The following CNTNAP2 variants were observed in gnomAD, a reference collection of about 807,000 sequenced individuals.
CNTNAP2 encodes the protein contactin-associated protein-like 2.
In CNTNAP2, 98 loss-of-function variants were observed where a neutral mutation model predicts 155.2. The observed-to-expected ratio is 0.63, with a 90% CI of 0.54 to 0.75. CNTNAP2 has a LOEUF of 0.75. Ranked by LOEUF, CNTNAP2 falls within the 30% of genes least tolerant of loss-of-function variation. CNTNAP2 has a pLI of 0.00. For synonymous variants in CNTNAP2, 651 were observed against 631.2 expected (o/e 1.03, Z -0.47); for missense variants, 1,727 against 1,688.1 (o/e 1.02, Z -0.40).
chr7:146,933,051 T>A (rs1344882024), intron 3 of CNTNAP2, among the ~76,000 whole-genome samples: 1 of 152,156 alleles, frequency 6.6e-6, no homozygotes, highest in Non-Finnish European at 1.5e-5. Flanking sequence ...CCCATCAAGC[T>A]ATCAATGACT....
At chr7:146,558,474 A>G (rs1172088070) in intron 1 of CNTNAP2, among the ~76,000 whole-genome samples, 1 of 152,098 alleles carries the variant, frequency 6.6e-6, no homozygotes, top group Non-Finnish European at 1.5e-5. Context: ...AATGTATCCA[A>G]CTCAACAAAG....
chr7:146,621,940 A>G (rs1402805110), intron 1 of CNTNAP2, among the ~76,000 whole-genome samples: 1 of 152,090 alleles, frequency 6.6e-6, no homozygotes, highest in Non-Finnish European at 1.5e-5. Context: ...ATGAAATTTG[A>G]TTTTATCATA....
chr7:146,752,394 T>C (rs903073847), intron 1 of CNTNAP2, among the ~76,000 whole-genome samples: 4 of 152,220 alleles, frequency 2.6e-5, no homozygotes, highest in Admixed American at 6.5e-5. Context: ...AAGCTTTTTT[T>C]CCTATGTTTC....
chr7:147,822,862 T>C (rs1798383493), intron 13 of CNTNAP2, among the ~76,000 whole-genome samples: 2 of 152,206 alleles, frequency 1.3e-5, no homozygotes, highest in African/African-American at 4.8e-5. Context: ...AACAATGATA[T>C]GTAAATTTCT....
chr7:146,970,538 A>G, intron 3 of CNTNAP2, among the ~76,000 whole-genome samples: 1 of 152,154 alleles, frequency 6.6e-6, no homozygotes, highest in East Asian at 1.9e-4. Flanking sequence ...TTAGAATGGC[A>G]ATCAATAAAA....
chr7:146,684,322 C>T (rs1003622129), intron 1 of CNTNAP2, among the ~76,000 whole-genome samples: 1 of 152,028 alleles, frequency 6.6e-6, no homozygotes, highest in African/African-American at 2.4e-5. Context: ...TTTCGATGAG[C>T]TAAGTGAGAA....
At chr7:147,070,737 C>G (rs10260427) in intron 4 of CNTNAP2, among the ~76,000 whole-genome samples, 108,604 of 152,086 alleles carry the variant, frequency 0.71, 38,788 homozygotes, top group East Asian at 0.74. Flanking sequence ...TCTTAGAGTA[C>G]GGATTCCATG....
intron 1 of CNTNAP2, among the ~76,000 whole-genome samples, chr7:146,199,200 C>G (rs979037190): frequency 6.6e-6 from 1 of 152,130 alleles, no homozygotes; most frequent in East Asian, 1.9e-4. Flanking sequence ...ACACAATAAC[C>G]TCTTAGAGAT....
intron 14 of CNTNAP2, 130 bp from the exon 15 acceptor site, chr7:147,977,732 T>C (rs1043806245): frequency 1.6e-6 from 2 of 1,281,400 alleles, no homozygotes; most frequent in Non-Finnish European, 2.2e-6. Context: ...ACTCTTTAAC[T>C]GTGGCTTTAC....
intron 3 of CNTNAP2, among the ~76,000 whole-genome samples, chr7:146,904,244 C>A (rs1421166452): frequency 6.6e-6 from 1 of 152,058 alleles, no homozygotes; most frequent in Admixed American, 6.6e-5. Flanking sequence ...TGCTCAGGAA[C>A]CTTATATTTG....
intron 21 of CNTNAP2, among the ~76,000 whole-genome samples, chr7:148,329,592 A>G (rs976356450): frequency 1.3e-5 from 2 of 152,194 alleles, no homozygotes; most frequent in Non-Finnish European, 2.9e-5. Context: ...GTGCTGTGCT[A>G]TTAGCAACCA....
At chr7:147,899,238 G>A (rs538878391) in intron 13 of CNTNAP2, among the ~76,000 whole-genome samples, 15 of 152,292 alleles carry the variant, frequency 9.8e-5, no homozygotes, top group Admixed American at 8.5e-4. Context: ...TACTCAGGAG[G>A]CTGAGGTGGG....
intron 9 of CNTNAP2, among the ~76,000 whole-genome samples, chr7:147,325,179 A>G (rs565389245): frequency 6.6e-6 from 1 of 152,162 alleles, no homozygotes; most frequent in South Asian, 2.1e-4. Flanking sequence ...ACACGCCTGC[A>G]ATCCCAGCTA....
chr7:146,906,536 G>A (rs1251560019), intron 3 of CNTNAP2, among the ~76,000 whole-genome samples: 2 of 151,960 alleles, frequency 1.3e-5, no homozygotes, highest in East Asian at 1.9e-4. Context: ...CCCCCAGCAG[G>A]GGCACACTGA....
At chr7:147,926,464 T>A (rs17237933) in intron 14 of CNTNAP2, among the ~76,000 whole-genome samples, 3 of 152,258 alleles carry the variant, frequency 2.0e-5, no homozygotes, top group South Asian at 2.1e-4. Flanking sequence ...TTTTAATACC[T>A]TCACATACAC....
chr7:147,092,150 TA>T (rs1308549182), intron 4 of CNTNAP2, among the ~76,000 whole-genome samples: 1 of 152,238 alleles, frequency 6.6e-6, no homozygotes, highest in Non-Finnish European at 1.5e-5. Flanking sequence ...ACCTAAGCTG[TA>T]AAAATGCAGG....
At chr7:147,701,789 G>A (rs1367650188) in intron 13 of CNTNAP2, among the ~76,000 whole-genome samples, 2 of 152,148 alleles carry the variant, frequency 1.3e-5, no homozygotes, top group South Asian at 4.1e-4. Context: ...CTTCATTCTA[G>A]TTATAAGGCC....
chr7:146,886,275 T>TAAAAA (rs776073033), intron 3 of CNTNAP2, among the ~76,000 whole-genome samples: 1 of 142,178 alleles, frequency 7.0e-6, no homozygotes. Context: ...TCAGTTTTCT[T>TAAAAA]AAAAAAAAAA....
intron 11 of CNTNAP2, among the ~76,000 whole-genome samples, chr7:147,516,263 C>T (rs1212926466): frequency 6.6e-6 from 1 of 151,650 alleles, no homozygotes; most frequent in East Asian, 1.9e-4. Context: ...ATGTGTAGAA[C>T]AAAAAAATAG....
Sources: gnomAD v4.1 joint callset for allele counts (sites outside exome capture counted in the v4.1 genomes callset) on GRCh38, gnomAD v4.1.1 for gene constraint, MANE v1.5 for transcripts, NCBI Gene and HGNC (gene_info 2026-07-23, HGNC 2026-07-21) for gene names.